CNST: variants seen among roughly 807,000 people sequenced by gnomAD.
CNST encodes consortin.
A neutral mutation model predicts 72.4 loss-of-function variants in CNST; 39 were observed. That is an observed-to-expected ratio of 0.54 (90% CI 0.42 to 0.70). The LOEUF is 0.70. Ranked by LOEUF, CNST falls within the 30% of genes least tolerant of loss-of-function variation. CNST has a pLI of 0.00. For synonymous variants in CNST, 332 were observed against 320.1 expected (o/e 1.04, Z -0.40); for missense variants, 871 against 868.5 (o/e 1.00, Z -0.04).
intron 6 of CNST, among the ~76,000 whole-genome samples, chr1:246,639,343 G>T (rs1347528520): frequency 6.6e-6 from 1 of 152,080 alleles, no homozygotes; most frequent in East Asian, 1.9e-4. Context: ...TAACGGTTTG[G>T]CAAGTAGAGC....
intron 2 of CNST, among the ~76,000 whole-genome samples, chr1:246,598,735 C>T (rs1662055105): frequency 6.6e-6 from 1 of 152,122 alleles, no homozygotes; most frequent in Non-Finnish European, 1.5e-5. Context: ...GAACAGGAGT[C>T]TACATCATGC....
intron 1 of CNST, among the ~76,000 whole-genome samples, chr1:246,588,400 T>G (rs1050092446): frequency 2.6e-5 from 4 of 152,210 alleles, no homozygotes; most frequent in African/African-American, 7.2e-5. Flanking sequence ...ATCTATTTCC[T>G]TCCACAAGTA....
chr1:246,622,997 T>C (rs1664190389), intron 3 of CNST, among the ~76,000 whole-genome samples: 1 of 152,036 alleles, frequency 6.6e-6, no homozygotes, highest in South Asian at 2.1e-4. Context: ...CTAATTTTTG[T>C]ATTTTAGTAG....
At position 246,642,012 on chromosome 1, in the gene CNST, A is replaced by G. The variant is rs2103120649; in HGVS notation, c.912A>G (p.Glu304=). The change falls in exon 8 of 11, where the codon GAA becomes GAG. Residue 304 remains glutamate (E), a synonymous_variant. Transcript: ENST00000366513. ...TQLLVSEDPK[E]GGATTKESES... ...TACTAGTGTCTGAAGATCCAAAGGA[A>G]GGAGGAGCTACCACCAAAGAGTCAG... The G allele has an allele frequency of 6.2e-7, 1 of 1,610,936 alleles. No individual in the cohort carries two copies. Among genetic ancestry groups the G allele is most frequent in the East Asian group, 2.2e-5 (1 of 44,770 alleles).
chr1:246,631,265 T>C (rs1664760057), intron 3 of CNST, among the ~76,000 whole-genome samples: 1 of 152,216 alleles, frequency 6.6e-6, no homozygotes, highest in Non-Finnish European at 1.5e-5. Context: ...CTTTATCTAG[T>C]GTTCTTTACC....
intron 2 of CNST, 86 bp from the exon 3 acceptor site, chr1:246,621,343 G>A: frequency 9.5e-7 from 1 of 1,050,906 alleles, no homozygotes; most frequent in Non-Finnish European, 1.5e-6. Context: ...GGCAAGCCAG[G>A]GCATCAAACT....
intron 8 of CNST, among the ~76,000 whole-genome samples, chr1:246,645,891 T>C (rs562622690): frequency 6.6e-6 from 1 of 152,326 alleles, no homozygotes; most frequent in South Asian, 2.1e-4. Context: ...AAGTTGGTTT[T>C]ACTCAAAGTA....
chr1:246,623,518 G>A (rs770428773), intron 3 of CNST, among the ~76,000 whole-genome samples: 9 of 152,110 alleles, frequency 5.9e-5, no homozygotes, highest in African/African-American at 1.2e-4. Flanking sequence ...TTGGGAGGCC[G>A]AGGTGGGTGG....
intron 9 of CNST, among the ~76,000 whole-genome samples, chr1:246,652,826 A>C (rs984426179): frequency 6.6e-6 from 1 of 150,564 alleles, no homozygotes; most frequent in East Asian, 1.9e-4. Context: ...AACACGGTGA[A>C]ACCCCGTCTC....
chr1:246,595,699 TG>T (rs1661828226), intron 2 of CNST, among the ~76,000 whole-genome samples: 2 of 152,162 alleles, frequency 1.3e-5, no homozygotes, highest in Non-Finnish European at 2.9e-5. Flanking sequence ...TGCAGTTTTT[TG>T]TAGGTAGATG....
chr1:246,618,039 CT>C (rs1663815968), intron 2 of CNST, among the ~76,000 whole-genome samples: 1 of 152,164 alleles, frequency 6.6e-6, no homozygotes, highest in Non-Finnish European at 1.5e-5. Flanking sequence ...AGTCACCAGT[CT>C]AGGCAAGGGA....
At chr1:246,660,370 G>A in intron 10 of CNST, 36 bp downstream of exon 10, 1 of 1,593,670 alleles carries the variant, frequency 6.3e-7, no homozygotes, top group Admixed American at 1.8e-5. Context: ...CAGGATAGAT[G>A]CTCAGTGTTT....
chr1:246,575,380 G>A (rs573202351), intron 1 of CNST, among the ~76,000 whole-genome samples: 1 of 152,248 alleles, frequency 6.6e-6, no homozygotes, highest in African/African-American at 2.4e-5. Flanking sequence ...AAGATTCTTT[G>A]GCAATAAAAA....
At chr1:246,615,300 C>T (rs1201018700) in intron 2 of CNST, among the ~76,000 whole-genome samples, 3 of 152,210 alleles carry the variant, frequency 2.0e-5, no homozygotes, top group East Asian at 2.0e-4. Flanking sequence ...CTCAGCCTCC[C>T]GCGTAGCTGG....
Position 246,591,965 on chromosome 1 carries a change from C to A in CNST, c.379+24C>A. On this transcript the variant is annotated intron_variant, in intron 2 of 10. Transcript: ENST00000366513. ...AGGTATTGTTTAAAATAGTATTTAT[C>A]CTCTTCTTTAATTAATTAAAAATGA... The A allele has an allele frequency of 3.2e-6, 5 of 1,553,698 alleles. 2 individuals are homozygous for A. In the South Asian group the frequency reaches 5.9e-5, roughly 18 times the overall value.
chr1:246,572,062 T>TA (rs1409875603), intron 1 of CNST, among the ~76,000 whole-genome samples: 1 of 152,156 alleles, frequency 6.6e-6, no homozygotes, highest in African/African-American at 2.4e-5. Context: ...AAGTAACCTT[T>TA]AAAAATGGTT....
chr1:246,664,741 ACT>A (rs1667318346), intron 10 of CNST, among the ~76,000 whole-genome samples: 1 of 151,920 alleles, frequency 6.6e-6, no homozygotes, highest in African/African-American at 2.4e-5. Flanking sequence ...ACTGTCTTTT[ACT>A]CTCAAAATTG....
intron 1 of CNST, among the ~76,000 whole-genome samples, chr1:246,578,487 C>T (rs1469667272): frequency 3.3e-5 from 5 of 151,852 alleles, no homozygotes; most frequent in African/African-American, 7.3e-5. Context: ...CTGGCTAACA[C>T]GGTGAAACCC....
At chr1:246,617,949 T>C (rs1272676399) in intron 2 of CNST, among the ~76,000 whole-genome samples, 1 of 152,218 alleles carries the variant, frequency 6.6e-6, no homozygotes, top group African/African-American at 2.4e-5. Context: ...ACCTGCTCTT[T>C]GGTAGGGAGT....
Sources: gnomAD v4.1 joint callset for allele counts (sites outside exome capture counted in the v4.1 genomes callset) on GRCh38, gnomAD v4.1.1 for gene constraint, MANE v1.5 for transcripts, NCBI Gene and HGNC (gene_info 2026-07-23, HGNC 2026-07-21) for gene names.